The following PSEN1 variants were observed in gnomAD, a reference collection of about 807,000 sequenced individuals.
PSEN1 encodes presenilin 1, also known as presenilin-1.
Under a neutral mutation model 53.5 loss-of-function variants are expected in PSEN1, and 15 were observed. The ratio of observed to expected loss-of-function variants is 0.28; its 90% CI spans 0.19 to 0.43. PSEN1 has a LOEUF of 0.43. Among genes scored for constraint, PSEN1 ranks in the 20% least tolerant of loss-of-function variants. PSEN1 has a pLI of 1.00. For missense variants in PSEN1, 387 were observed against 571.2 expected, an observed-to-expected ratio of 0.68 and a Z score of 3.29; for synonymous variants, 208 against 209.8, an observed-to-expected ratio of 0.99 and a Z score of 0.08.
chr14:73,189,789 G>C, intron 6 of PSEN1: 1 of 237,938 alleles, frequency 4.2e-6, no homozygotes, highest in South Asian at 4.9e-5. Context: ...CTGAGGTCCT[G>C]CCCCCAGCTC....
chr14:73,196,075 C>T (rs1406013576), intron 7 of PSEN1, among the ~76,000 whole-genome samples: 2 of 152,048 alleles, frequency 1.3e-5, no homozygotes, highest in East Asian at 3.8e-4. Context: ...GATTTTTGTA[C>T]CCAATGTTTA....
At chr14:73,163,125 G>A (rs888951720) in intron 3 of PSEN1, among the ~76,000 whole-genome samples, 5 of 152,126 alleles carry the variant, frequency 3.3e-5, no homozygotes, top group Non-Finnish European at 7.4e-5. Flanking sequence ...AATGGAAGCC[G>A]ACAATTGATT....
At chr14:73,189,868 C>T (rs993642199) in intron 6 of PSEN1, 4 of 227,650 alleles carry the variant, frequency 1.8e-5, no homozygotes, top group Non-Finnish European at 3.6e-5. Context: ...AGCCCTTGAC[C>T]TTTACCATGT....
At chr14:73,203,419 T>TTTTTTCTTACA (rs557077759) in intron 8 of PSEN1, among the ~76,000 whole-genome samples, 131 of 152,252 alleles carry the variant, frequency 8.6e-4, no homozygotes, top group African/African-American at 2.8e-3. Flanking sequence ...AATGTAAGAA[T>TTTTTTCTTACA]TTTTTCTTAC....
At position 73,202,472 on chromosome 14, in the gene PSEN1, T is replaced by A. The variant is rs1196843936; in HGVS notation, c.869-3914T>A. Reference sequence around the variant, plus strand: ...TATATATATATATATATTTTTTTTTTTTTTTTTTTTTTTTTTTTTTGAGAC... The same window carrying A: ...TATATATATATATATATTTTTTTTTATTTTTTTTTTTTTTTTTTTTGAGAC... On this transcript the variant is annotated intron_variant, in intron 8 of 11. Coordinates refer to ENST00000324501, the MANE Select transcript of PSEN1 (RefSeq NM_000021.4). 3.1e-3 allele frequency among the ~76,000 whole-genome samples: 184 copies of A among 58,580 alleles called. 1 individual carries two copies. The highest frequency in any genetic ancestry group is 9.3e-3 in the African/African-American group (141 of 15,088). 38.4% of individuals were successfully genotyped at this position (58,580 alleles called of 152,430 possible). A position where few individuals can be genotyped will look rare whatever the true frequency, so the allele number is the denominator to read the frequency against.
intron 6 of PSEN1, among the ~76,000 whole-genome samples, chr14:73,188,498 AAATT>A (rs1034764443): frequency 1.1e-4 from 16 of 152,268 alleles, no homozygotes; most frequent in Middle Eastern, 3.4e-3. Flanking sequence ...TACAAAAAAT[AAATT>A]AGCCAGTTGT....
At chr14:73,206,732 G>A (rs542134050) in intron 9 of PSEN1, among the ~76,000 whole-genome samples, 5 of 152,126 alleles carry the variant, frequency 3.3e-5, no homozygotes, top group South Asian at 4.2e-4. Context: ...TTCAGGCTGA[G>A]GTTATGATTT....
intron 1 of PSEN1, chr14:73,136,928 C>G (rs150837586): frequency 6.4e-6 from 1 of 155,104 alleles, no homozygotes; most frequent in African/African-American, 2.4e-5. Context: ...TGGGCTGGGT[C>G]TGCTTGAGCA....
At chr14:73,146,435 AT>A (rs1318752207) in intron 1 of PSEN1, among the ~76,000 whole-genome samples, 1 of 151,968 alleles carries the variant, frequency 6.6e-6, no homozygotes, top group Non-Finnish European at 1.5e-5. Flanking sequence ...TAAGCTCTTT[AT>A]TTTTTAAGCA....
chr14:73,194,696 G>A (rs1048476747), intron 7 of PSEN1, among the ~76,000 whole-genome samples: 3 of 151,502 alleles, frequency 2.0e-5, no homozygotes, highest in Non-Finnish European at 2.9e-5. Context: ...AGCCTCCCAA[G>A]TAGCTGGGAC....
At chr14:73,171,941 C>T (rs1566630057) in intron 4 of PSEN1, among the ~76,000 whole-genome samples, 1 of 152,216 alleles carries the variant, frequency 6.6e-6, no homozygotes, top group Non-Finnish European at 1.5e-5. Context: ...CTCATAGCAA[C>T]TTGTCCTTTC....
At chr14:73,168,661 A>G (rs1339582697) in intron 3 of PSEN1, 1 of 152,288 alleles carries the variant, frequency 6.6e-6, no homozygotes, top group Admixed American at 6.5e-5. Flanking sequence ...TCAACTCCCC[A>G]TTCTGCTGAG....
chr14:73,156,431 T>G (rs1021792672), intron 3 of PSEN1, among the ~76,000 whole-genome samples: 2 of 151,664 alleles, frequency 1.3e-5, no homozygotes, highest in African/African-American at 4.8e-5. Flanking sequence ...AAGCCACAAA[T>G]GCAAAAGGCT....
rs28506983 is a variant in PSEN1 at position 73,185,477 on chromosome 14, C to T, written c.481-1376C>T. On this transcript the variant is annotated intron_variant, in intron 5 of 11. Coordinates refer to ENST00000324501, the MANE Select transcript of PSEN1 (RefSeq NM_000021.4). ...AGGCGTGGCGGCGTGAGTCTGCAATCGCAGGCACTCGGCAGGCTGAGTCAG... is the reference window on the plus strand; with the variant it reads ...AGGCGTGGCGGCGTGAGTCTGCAATTGCAGGCACTCGGCAGGCTGAGTCAG... 6.3e-4 allele frequency among the ~76,000 whole-genome samples: 96 copies of T among 152,212 alleles called. 1 individual carries two copies. Among genetic ancestry groups the T allele is most frequent in the African/African-American group, 2.2e-3 (91 of 41,524 alleles).
intron 8 of PSEN1, among the ~76,000 whole-genome samples, chr14:73,198,473 A>G (rs1899047195): frequency 6.6e-6 from 1 of 152,174 alleles, no homozygotes; most frequent in Non-Finnish European, 1.5e-5. Flanking sequence ...CCACTGGGGA[A>G]CTGAGATTGT....
chr14:73,171,008 T>C lies in PSEN1; in HGVS notation c.299T>C (p.Ile100Thr), dbSNP rs760760368. The C allele has an allele frequency of 1.2e-6, 2 of 1,614,078 alleles. No individual in the cohort carries two copies. The highest frequency in any genetic ancestry group is 2.7e-5 in the African/African-American group (2 of 74,926). Residue 100 changes from isoleucine (I) to threonine (T), a missense_variant, in exon 4 of 12, where the codon ATT becomes ACT. This residue lies in a region of PSEN1 where 169 missense variants were observed against 299.7 expected (regional missense o/e 0.56). Coordinates refer to ENST00000324501, the MANE Select transcript of PSEN1 (RefSeq NM_000021.4). Reference protein sequence around the residue: ...TLCMVVVVATIKSVSFYTRKD... With the variant: ...TLCMVVVVATTKSVSFYTRKD... ...TGCATGGTGGTGGTCGTGGCTACCA[T>C]TAAGTCAGTCAGCTTTTATACCCGG...
At chr14:73,146,385 A>G (rs1000541147) in intron 1 of PSEN1, among the ~76,000 whole-genome samples, 1 of 151,786 alleles carries the variant, frequency 6.6e-6, no homozygotes, top group Non-Finnish European at 1.5e-5. Flanking sequence ...GTGTTTTCCT[A>G]TGTTGCCCAG....
intron 6 of PSEN1, among the ~76,000 whole-genome samples, chr14:73,189,135 G>A (rs1411027834): frequency 6.6e-6 from 1 of 152,160 alleles, no homozygotes; most frequent in African/African-American, 2.4e-5. Flanking sequence ...CATTGCTCTG[G>A]AGGGACTAGC....
At chr14:73,139,991 C>A (rs1213504893) in intron 1 of PSEN1, among the ~76,000 whole-genome samples, 2 of 152,100 alleles carry the variant, frequency 1.3e-5, no homozygotes, top group Non-Finnish European at 2.9e-5. Flanking sequence ...CGTAAATAAT[C>A]ATTTTTCATT....
Sources: gnomAD v4.1 joint callset for allele counts (sites outside exome capture counted in the v4.1 genomes callset) on GRCh38, gnomAD v4.1.1 for gene constraint, gnomAD v4.1.1 regional missense constraint, MANE v1.5 for transcripts, NCBI Gene and HGNC (gene_info 2026-07-23, HGNC 2026-07-21) for gene names.